Variants in MAD1L1 observed in about 807,000 individuals in gnomAD.
The protein encoded by MAD1L1 is mitotic spindle assembly checkpoint protein MAD1.
MAD1L1 carries 95 observed loss-of-function variants against 96.9 expected under a neutral mutation model. That is an observed-to-expected ratio of 0.98 (90% confidence interval 0.83 to 1.16). The LOEUF is 1.16. Ranked by LOEUF, MAD1L1 falls within the 50% of genes most tolerant of loss-of-function variation. MAD1L1 has a pLI of 0.00. For missense variants in MAD1L1, 1,007 were observed against 954.4 expected (o/e 1.06, Z -0.73); for synonymous variants, 473 against 396.6 (o/e 1.19, Z -2.29).
chr7:1,836,240 T>C lies in MAD1L1; in HGVS notation c.1999-20012A>G, dbSNP rs376835108. On this transcript the variant is annotated intron_variant, in intron 18 of 18. Coordinates refer to ENST00000265854, the MANE Select transcript of MAD1L1 (RefSeq NM_001013836.2). The stretch of plus-strand genomic sequence containing the variant: ...TTTTACCATGTTGGTCAGGCTGTTC[T>C]TGAACTCCTGATCTCATGATCTGCC... Among the ~76,000 whole-genome samples the C allele has an allele frequency of 6.6e-5, 10 of 152,206 alleles. No homozygotes were observed. In the East Asian group the frequency reaches 1.9e-3, roughly 29 times the overall value.
At chr7:2,015,176 G>A (rs1782480466) in intron 12 of MAD1L1, among the ~76,000 whole-genome samples, 2 of 152,236 alleles carry the variant, frequency 1.3e-5, no homozygotes, top group South Asian at 4.1e-4. Flanking sequence ...GGGACAGTGT[G>A]CACCAGGAAG....
chr7:1,816,724 G>A (rs1718551497), intron 18 of MAD1L1, among the ~76,000 whole-genome samples: 1 of 152,096 alleles, frequency 6.6e-6, no homozygotes, highest in Non-Finnish European at 1.5e-5. Context: ...GCGGCCTCCT[G>A]TAACTGGAGA....
intron 12 of MAD1L1, among the ~76,000 whole-genome samples, chr7:2,034,221 C>CT (rs565833842): frequency 0.14 from 20,082 of 143,852 alleles, 3,317 homozygotes; most frequent in African/African-American, 0.4. Flanking sequence ...AAAGAGTCTC[C>CT]TTTTTTTTTT....
intron 12 of MAD1L1, among the ~76,000 whole-genome samples, chr7:2,062,257 CAAA>C (rs56706072): frequency 4.9e-4 from 50 of 102,756 alleles, no homozygotes; most frequent in Middle Eastern, 6.8e-3. Context: ...ACAGCAACGA[CAAA>C]AAAAAAAAAA....
chr7:2,135,104 A>C (rs1370864652), intron 11 of MAD1L1, among the ~76,000 whole-genome samples: 1 of 152,262 alleles, frequency 6.6e-6, no homozygotes, highest in African/African-American at 2.4e-5. Flanking sequence ...CCAGAAAGGT[A>C]AGACTAGCCA....
intron 17 of MAD1L1, among the ~76,000 whole-genome samples, chr7:1,935,079 G>C (rs1343395028): frequency 6.6e-6 from 1 of 152,276 alleles, no homozygotes; most frequent in Non-Finnish European, 1.5e-5. Context: ...AAACAGACAA[G>C]CGAATGGGTG....
intron 12 of MAD1L1, among the ~76,000 whole-genome samples, chr7:2,061,167 T>A (rs932335806): frequency 1.3e-5 from 2 of 151,920 alleles, no homozygotes; most frequent in African/African-American, 4.8e-5. Flanking sequence ...TGAGACCCCA[T>A]CTCTACTAAA....
rs541580733 is a variant in MAD1L1, at chr7:1,867,009, C to T, written c.1998+31191G>A. Among the ~76,000 whole-genome samples, 29 of 152,286 alleles carry T rather than the reference C, an allele frequency of 1.9e-4. No homozygotes were observed. The South Asian group carries it at 5.2e-3, about 27-fold the overall frequency. On this transcript the variant is annotated intron_variant, in intron 18 of 18. Transcript: ENST00000265854. ...AGTGGGCAGCACTCACTACAGGGCC[C>T]GCTGGGCTCCTGACCGCAGAGTGGG...
At chr7:1,856,549 G>A (rs1013288831) in intron 18 of MAD1L1, among the ~76,000 whole-genome samples, 2 of 152,358 alleles carry the variant, frequency 1.3e-5, no homozygotes, top group East Asian at 1.9e-4. Flanking sequence ...GGGCCTGCTC[G>A]CTCTCTGCTT....
At chr7:2,097,937 A>C (rs966128099) in intron 11 of MAD1L1, among the ~76,000 whole-genome samples, 7 of 152,216 alleles carry the variant, frequency 4.6e-5, no homozygotes, top group South Asian at 2.1e-4. Flanking sequence ...TTCTGCACTC[A>C]GGTCTCCCAG....
At chr7:2,145,058 G>T (rs1208370932) in intron 11 of MAD1L1, among the ~76,000 whole-genome samples, 1 of 152,140 alleles carries the variant, frequency 6.6e-6, no homozygotes, top group Non-Finnish European at 1.5e-5. Context: ...CCCTCCTGGA[G>T]CGCCTTACGG....
intron 14 of MAD1L1, among the ~76,000 whole-genome samples, chr7:2,001,026 A>G (rs1411848028): frequency 6.6e-6 from 1 of 152,110 alleles, no homozygotes; most frequent in Non-Finnish European, 1.5e-5. Flanking sequence ...GGCCGCACCC[A>G]CAACCGCCAC....
intron 14 of MAD1L1, among the ~76,000 whole-genome samples, chr7:1,992,595 C>T (rs1400399462): frequency 6.6e-6 from 1 of 152,194 alleles, no homozygotes; most frequent in Non-Finnish European, 1.5e-5. Context: ...CCTATCAGCT[C>T]CAATCCTACA....
At chr7:2,030,764 C>T (rs533110759) in intron 12 of MAD1L1, among the ~76,000 whole-genome samples, 9 of 152,316 alleles carry the variant, frequency 5.9e-5, no homozygotes, top group African/African-American at 1.7e-4. Context: ...TGTGGGTCAG[C>T]GAGGGTTTCC....
intron 10 of MAD1L1, among the ~76,000 whole-genome samples, chr7:2,192,129 G>GT (rs1048481770): frequency 2.2e-4 from 33 of 150,890 alleles, no homozygotes; most frequent in African/African-American, 4.9e-4. Flanking sequence ...GGGGTTTTTT[G>GT]TTTTTTTTGT....
chr7:2,144,712 C>T (rs987225965), intron 11 of MAD1L1, among the ~76,000 whole-genome samples: 9 of 152,076 alleles, frequency 5.9e-5, no homozygotes, highest in Non-Finnish European at 1.0e-4. Flanking sequence ...AGGGCAGCCC[C>T]GGGGTGCCCT....
At position 1,980,390 on chromosome 7, in the gene MAD1L1, C is replaced by A. The variant is rs1398947981; in HGVS notation, c.1505+63G>T. On this transcript the variant is annotated intron_variant, in intron 15 of 18. Coordinates refer to ENST00000265854, the MANE Select transcript of MAD1L1 (RefSeq NM_001013836.2). ...TCCTCCCCCGCAGGACACACCTGGG[C>A]GTATCCGCCTCCTCTCTGGGGGACA... 5 of 1,402,526 alleles carry A rather than the reference C, an allele frequency of 3.6e-6. No individual in the cohort carries two copies. In the African/African-American group the frequency reaches 4.5e-5, roughly 13 times the overall value. The allele number at this position is 1,402,526 out of a possible 1,614,324, so 86.9% of individuals were successfully genotyped here.
At chr7:1,917,013 GAC>G (rs202099846) in intron 17 of MAD1L1, among the ~76,000 whole-genome samples, 2,180 of 152,244 alleles carry the variant, frequency 0.014, 58 homozygotes, top group African/African-American at 0.05. Flanking sequence ...AGCATCTTGT[GAC>G]AGGAATGTCC....
At chr7:2,224,346 T>G (rs1222349586) in intron 4 of MAD1L1, among the ~76,000 whole-genome samples, 1 of 152,078 alleles carries the variant, frequency 6.6e-6, no homozygotes, top group African/African-American at 2.4e-5. Flanking sequence ...ATTCCTCCAG[T>G]ACTGTCCCTC....
Sources: gnomAD v4.1 joint callset for allele counts (sites outside exome capture counted in the v4.1 genomes callset) on GRCh38, gnomAD v4.1.1 for gene constraint, MANE v1.5 for transcripts, NCBI Gene and HGNC (gene_info 2026-07-23, HGNC 2026-07-21) for gene names.